The following GNL2 variants were observed in gnomAD, a reference collection of about 807,000 sequenced individuals.
GNL2 encodes the protein G protein nucleolar 2.
GNL2 carries 51 observed loss-of-function variants against 92.3 expected under a neutral mutation model. The ratio of observed to expected loss-of-function variants is 0.55; its 90% CI spans 0.44 to 0.70. The LOEUF (loss-of-function observed/expected upper bound fraction) is 0.70, where lower values mean the gene tolerates loss of function less well. GNL2 is among the 30% of genes least tolerant of loss of function. The pLI is 0.00. For synonymous variants in GNL2, 283 were observed against 300.6 expected (o/e 0.94, Z 0.61); for missense variants, 844 against 895.6 (o/e 0.94, Z 0.74).
At chr1:37,570,197 T>C (rs999660810) in intron 12 of GNL2, 5 of 152,246 alleles carry the variant, frequency 3.3e-5, no homozygotes, top group Admixed American at 2.0e-4. Context: ...TCCATCCCCA[T>C]GAATGGACTA....
At chr1:37,577,825 CAAAG>C (rs1243480832) in intron 8 of GNL2, among the ~76,000 whole-genome samples, 1 of 152,154 alleles carries the variant, frequency 6.6e-6, no homozygotes, top group East Asian at 1.9e-4. Context: ...TCTCTACTCT[CAAAG>C]AAATCCAGGG....
At chr1:37,586,028 G>A (rs564411944) in intron 5 of GNL2, among the ~76,000 whole-genome samples, 7 of 151,950 alleles carry the variant, frequency 4.6e-5, no homozygotes, top group Non-Finnish European at 1.5e-5. Context: ...AAAAAGATGC[G>A]GTCACATTGA....
chr1:37,569,690 C>T (rs186005107), intron 12 of GNL2: 171 of 192,980 alleles, frequency 8.9e-4, no homozygotes, highest in Middle Eastern at 2.5e-3. Flanking sequence ...CAGATGAGAA[C>T]AGTACTAAGA....
In GNL2 at chr1:37,595,853, G is replaced by C. The variant is rs1643920288; in HGVS notation, c.-31C>G. 6.9e-6 allele frequency: 11 copies of C among 1,601,822 alleles called. No individual in the cohort carries two copies. Among genetic ancestry groups the C allele is most frequent in the Non-Finnish European group, 9.4e-6 (11 of 1,168,786 alleles). ...CGACGAGACCGGGACCGGAGTGCGA[G>C]GTCCGGCTTACGTGGTGAAACAAAC... On this transcript the variant is annotated 5_prime_UTR_variant, in exon 1 of 16. Transcript: ENST00000373062.
chr1:37,593,765 C>T lies in GNL2; in HGVS notation c.146G>A (p.Arg49His), dbSNP rs372886818. Residue 49 changes from arginine (R) to histidine (H), a missense_variant, in exon 2 of 16, where the codon CGC becomes CAC. Arg to His is a conservative substitution (Grantham distance 29). Transcript: ENST00000373062. ...RRLNMYRQKE[R>H]RNSRGKIIKP... is the part of the protein sequence containing the mutation. ...GATGACAGCACCCAGTGCTCACCTG[C>T]GCTCCTTTTGCCTATACATATTCAG... is the stretch of plus-strand genomic sequence containing the variant. 234 of 1,611,268 alleles carry T rather than the reference C, an allele frequency of 1.5e-4. No homozygotes were observed. The highest frequency in any genetic ancestry group is 1.9e-4 in the Non-Finnish European group (222 of 1,177,562).
intron 9 of GNL2, 42 bp downstream of exon 9, chr1:37,576,386 A>G (rs1422353570): frequency 6.3e-7 from 1 of 1,586,178 alleles, no homozygotes; most frequent in Admixed American, 1.7e-5. Flanking sequence ...TCTCTATGAA[A>G]AGAAAATATG....
intron 5 of GNL2, among the ~76,000 whole-genome samples, chr1:37,586,180 T>C (rs1369741060): frequency 6.6e-6 from 1 of 152,162 alleles, no homozygotes; most frequent in Admixed American, 6.5e-5. Context: ...CATAGAAATA[T>C]ATTCCTAATA....
chr1:37,594,208 C>T (rs1002899460), intron 1 of GNL2: 2 of 171,158 alleles, frequency 1.2e-5, no homozygotes, highest in African/African-American at 4.8e-5. Flanking sequence ...GCACAGTGGT[C>T]AGACACCTTG....
At chr1:37,581,474 T>C (rs1035541346) in intron 8 of GNL2, 1 of 455,964 alleles carries the variant, frequency 2.2e-6, no homozygotes, top group African/African-American at 2.0e-5. Flanking sequence ...AGAAGCTGCA[T>C]GGGCTCCATG....
chr1:37,581,490 A>G lies in GNL2; in HGVS notation c.909+733T>C. 6.6e-6 allele frequency: 3 copies of G among 456,096 alleles called. 1 individual carries two copies. The highest frequency in any genetic ancestry group is 1.3e-5 in the Non-Finnish European group (3 of 226,800). The allele number at this position is 456,096 out of a possible 1,614,324, so 28.3% of individuals were successfully genotyped here. A position where few individuals can be genotyped will look rare whatever the true frequency, so the allele number is the denominator to read the frequency against. On this transcript the variant is annotated intron_variant, in intron 8 of 15. Transcript: ENST00000373062. ...GAAGCTGCATGGGCTCCATGGGCAG[A>G]GGATGCACAGCAGGCCTGGAAAGCC...
At position 37,576,445 on chromosome 1, in the gene GNL2, T is replaced by C. The variant is rs774128082; in HGVS notation, c.1021A>G (p.Ile341Val). The stretch of plus-strand genomic sequence containing the variant: ...CAACGTACCTTTGTTTCACCTGCAA[T>C]GGGAGCCACGTTGCAAACTTTCTTA... ...RSKKVCNVAPIAGETKVWQYI... is the reference protein window; with the variant it reads ...RSKKVCNVAPVAGETKVWQYI... The change falls in exon 9 of 16, where the codon ATT (isoleucine) becomes GTT (valine). Residue 341 changes from isoleucine to valine, a missense_variant. Transcript: ENST00000373062. The C allele has an allele frequency of 5.6e-6, 9 of 1,613,850 alleles. No homozygotes were observed. The highest frequency in any genetic ancestry group is 1.7e-5 in the Admixed American group (1 of 59,972).
rs143114068 is a variant in GNL2, at chr1:37,587,327, C to T, written c.553G>A (p.Glu185Lys). The change falls in exon 5 of 16, where the codon GAA becomes AAA. Residue 185 changes from glutamate to lysine, a missense_variant. By Grantham distance (56) the Glu-to-Lys change is moderately conservative. Transcript: ENST00000373062. ...DQGKDRDLVT[E>K]DTGVRNEAQE... ...AAAATGTACCTCACACCAGTGTCTT[C>T]AGTTACCAAATCACGATCCTTGCCC... 446 of 1,595,334 alleles carry T rather than the reference C, an allele frequency of 2.8e-4. No homozygotes were observed. Among genetic ancestry groups the T allele is most frequent in the Non-Finnish European group, 3.7e-4 (429 of 1,170,226 alleles).
chr1:37,590,049 G>A (rs1409801607), intron 4 of GNL2, among the ~76,000 whole-genome samples: 1 of 152,194 alleles, frequency 6.6e-6, no homozygotes, highest in Non-Finnish European at 1.5e-5. Flanking sequence ...CTCACTATGG[G>A]CCAAGTGCTT....
Position 37,576,420 on chromosome 1 carries a change from C to T in GNL2, c.1038+8G>A. 1 of 1,612,984 alleles carries T rather than the reference C, an allele frequency of 6.2e-7. No individual in the cohort carries two copies. Among genetic ancestry groups the T allele is most frequent in the Non-Finnish European group, 8.5e-7 (1 of 1,179,336 alleles). ...TGCAAAAGTAAGGTCACCCTGCGCC[C>T]AACGTACCTTTGTTTCACCTGCAAT... On this transcript the variant is annotated splice_region_variant and intron_variant, in intron 9 of 15. Transcript: ENST00000373062.
rs542330727 is a variant in GNL2 at position 37,582,690 on chromosome 1, G to T, written c.795+88C>A. 1.8e-4 allele frequency: 197 copies of T among 1,095,690 alleles called. 4 individuals carry two copies. The South Asian group carries it at 2.8e-3, about 16-fold the overall frequency. The allele number at this position is 1,095,690 out of a possible 1,614,324, so 67.9% of individuals were successfully genotyped here. On this transcript the variant is annotated intron_variant, in intron 7 of 15. Coordinates refer to ENST00000373062, the MANE Select transcript of GNL2 (RefSeq NM_013285.3). ...GAGCACTCCCATTACTACAATCTCAGCCGGACAACACTTTAGCCTAAAAGC... is the reference window on the plus strand; with the variant it reads ...GAGCACTCCCATTACTACAATCTCATCCGGACAACACTTTAGCCTAAAAGC...
chr1:37,577,302 A>G (rs552041417), intron 8 of GNL2, among the ~76,000 whole-genome samples: 239 of 152,256 alleles, frequency 1.6e-3, no homozygotes, highest in South Asian at 2.1e-3. Context: ...ATAACAAAAG[A>G]AAAAAAGCAA....
At chr1:37,583,212 T>C in intron 6 of GNL2, 1 of 240,608 alleles carries the variant, frequency 4.2e-6, no homozygotes, top group Middle Eastern at 1.3e-3. Context: ...TTGAACTAAA[T>C]CATTTACTTC....
chr1:37,566,954 A>AT lies in GNL2; in HGVS notation c.2096dup (p.Tyr699Ter). Residue 699 changes from tyrosine to a stop codon, truncating the protein, a stop_gained and frameshift_variant, in exon 16 of 16, where the codon TAT becomes TAAT. Transcript: ENST00000373062. LOFTEE classifies it high-confidence loss of function. ...QRPKKVGVRY[Y>*]ETHNVKNRNR... ...TCCTATTTTTCACGTTGTGTGTTTC[A>AT]TAGTAGCGCACACCAACTTTTTTCG... is the stretch of plus-strand genomic sequence containing the variant. 6.2e-7 allele frequency: 1 copy of AT among 1,613,814 alleles called. No individual in the cohort carries two copies. The highest frequency in any genetic ancestry group is 1.1e-5 in the South Asian group (1 of 91,066).
In GNL2 at chr1:37,569,107, C is replaced by G. The variant is rs748949015; in HGVS notation, c.1612G>C (p.Val538Leu). Residue 538 changes from valine to leucine, a missense_variant, in exon 13 of 16, where the codon GTG becomes CTG. Transcript: ENST00000373062. ...RVRQNFGKIN[V>L]VPQFSGDDLV... The stretch of plus-strand genomic sequence containing the variant: ...TCATCCCCAGAAAACTGAGGCACCA[C>G]GTTGATTTTACCAAAGTTCTGCCGA... The G allele has an allele frequency of 1.2e-6, 2 of 1,614,212 alleles. No individual in the cohort carries two copies. Among genetic ancestry groups the G allele is most frequent in the East Asian group, 2.2e-5 (1 of 44,890 alleles).
Sources: gnomAD v4.1 joint callset for allele counts (sites outside exome capture counted in the v4.1 genomes callset) on GRCh38, gnomAD v4.1.1 for gene constraint, MANE v1.5 for transcripts, NCBI Gene and HGNC (gene_info 2026-07-23, HGNC 2026-07-21) for gene names.